The following CSMD1 variants were observed in gnomAD, a reference collection of about 807,000 sequenced individuals.
The protein encoded by CSMD1 is CUB and sushi domain-containing protein 1.
Under a neutral mutation model 417.5 loss-of-function variants are expected in CSMD1, and 213 were observed. The ratio of observed to expected loss-of-function variants is 0.51; its 90% CI spans 0.46 to 0.57. CSMD1 has a LOEUF of 0.57. CSMD1 is among the 20% of genes least tolerant of loss of function. The probability of loss-of-function intolerance (pLI) is 0.00; values close to 1 mark genes in which losing one functional copy is unlikely to be tolerated. For synonymous variants in CSMD1, 2,862 were observed against 1,736.8 expected (o/e 1.65, Z -16.11); for missense variants, 6,923 against 4,529.7 (o/e 1.53, Z -15.17).
At chr8:4,239,499 C>G (rs149389784) in intron 3 of CSMD1, among the ~76,000 whole-genome samples, 68 of 152,258 alleles carry the variant, frequency 4.5e-4, no homozygotes, top group African/African-American at 1.6e-3. Context: ...CTGCCCCACC[C>G]CAGTCTGGTC....
chr8:4,309,935 G>C (rs1798466883), intron 3 of CSMD1, among the ~76,000 whole-genome samples: 2 of 152,132 alleles, frequency 1.3e-5, no homozygotes, highest in South Asian at 2.1e-4. Context: ...TTAGAAACAT[G>C]ATAGTCGATT....
intron 12 of CSMD1, among the ~76,000 whole-genome samples, chr8:3,414,982 C>T (rs923820310): frequency 2.6e-5 from 4 of 152,074 alleles, no homozygotes; most frequent in Admixed American, 1.3e-4. Context: ...TACTGTAAGC[C>T]CTGGCAGGGT....
intron 10 of CSMD1, among the ~76,000 whole-genome samples, chr8:3,518,275 T>C (rs1192608704): frequency 1.3e-5 from 2 of 152,202 alleles, no homozygotes; most frequent in African/African-American, 4.8e-5. Flanking sequence ...GAGAAAATTA[T>C]ATAAGAGAGA....
intron 5 of CSMD1, among the ~76,000 whole-genome samples, chr8:3,926,918 G>A (rs961775068): frequency 2.6e-5 from 4 of 151,654 alleles, no homozygotes; most frequent in Non-Finnish European, 5.9e-5. Flanking sequence ...GTTTCACCAT[G>A]TTGGCCAGGA....
At chr8:3,672,631 T>G (rs56701071) in intron 7 of CSMD1, among the ~76,000 whole-genome samples, 26,581 of 152,230 alleles carry the variant, frequency 0.17, 2,448 homozygotes, top group South Asian at 0.22. Flanking sequence ...ATTTACTTTT[T>G]CATCCGGTCA....
chr8:3,389,955 C>T lies in CSMD1; in HGVS notation c.2594-2273G>A, dbSNP rs976489165. ...AACTGTTTGAATGGAGAGTACAGGACGGGAGGACTGTTGAGTGGTAGAATT... is the reference window on the plus strand; with the variant it reads ...AACTGTTTGAATGGAGAGTACAGGATGGGAGGACTGTTGAGTGGTAGAATT... On this transcript the variant is annotated intron_variant, in intron 17 of 69. Coordinates refer to ENST00000635120, the MANE Select transcript of CSMD1 (RefSeq NM_033225.6). Among the ~76,000 whole-genome samples, 11 of 152,008 alleles carry T rather than the reference C, an allele frequency of 7.2e-5. No individual in the cohort carries two copies. The East Asian group carries it at 1.5e-3, about 21-fold the overall frequency.
At chr8:3,144,588 C>G (rs988502459) in intron 40 of CSMD1, among the ~76,000 whole-genome samples, 1 of 152,040 alleles carries the variant, frequency 6.6e-6, no homozygotes, top group Non-Finnish European at 1.5e-5. Context: ...CTTGGCCATT[C>G]TAACATCGTC....
chr8:4,536,273 C>G (rs1797098647), intron 2 of CSMD1, among the ~76,000 whole-genome samples: 1 of 152,164 alleles, frequency 6.6e-6, no homozygotes, highest in Non-Finnish European at 1.5e-5. Context: ...ATAAAATCTA[C>G]AAACATGTTC....
At chr8:4,403,383 C>G (rs1278162618) in intron 3 of CSMD1, among the ~76,000 whole-genome samples, 1 of 152,116 alleles carries the variant, frequency 6.6e-6, no homozygotes, top group Non-Finnish European at 1.5e-5. Flanking sequence ...TCTCTAACTT[C>G]TCTCATCTAA....
At chr8:3,840,538 T>C (rs1274366514) in intron 5 of CSMD1, among the ~76,000 whole-genome samples, 1 of 152,100 alleles carries the variant, frequency 6.6e-6, no homozygotes, top group East Asian at 1.9e-4. Context: ...AATGCATTCA[T>C]GTAATTCAAT....
At chr8:3,272,227 G>A (rs1276912789) in intron 26 of CSMD1, among the ~76,000 whole-genome samples, 1 of 145,956 alleles carries the variant, frequency 6.9e-6, no homozygotes, top group Non-Finnish European at 1.5e-5. Context: ...GTTTGTCAAA[G>A]ATCAGATAGT....
At position 3,544,743 on chromosome 8, in the gene CSMD1, T is replaced by C. The variant is rs187339182; in HGVS notation, c.1344+30202A>G. Among the ~76,000 whole-genome samples, 354 of 152,116 alleles carry C rather than the reference T, an allele frequency of 2.3e-3. 6 individuals carry two copies. Among genetic ancestry groups the C allele is most frequent in the Admixed American group, 0.022 (331 of 15,264 alleles). ...GGTTCAGGGAGACCAGGATGCTGGG[T>C]GGAGACAGGGAATGGAGCCAAATCT... On this transcript the variant is annotated intron_variant, in intron 10 of 69. Transcript: ENST00000635120.
In CSMD1 at chr8:2,992,719, C is replaced by A. The variant is rs922025319; in HGVS notation, c.8377+5292G>T. Reference sequence around the variant, plus strand: ...TGACTATAGGCGTGAGCCACCATGCCCAGCAAACTAGGTCTAGTTTTATGC... The same window carrying A: ...TGACTATAGGCGTGAGCCACCATGCACAGCAAACTAGGTCTAGTTTTATGC... On this transcript the variant is annotated intron_variant, in intron 54 of 69. Transcript: ENST00000635120. Among the ~76,000 whole-genome samples the A allele has an allele frequency of 2.6e-5, 4 of 151,998 alleles. No homozygotes were observed. The South Asian group carries it at 8.3e-4, about 32-fold the overall frequency.
intron 7 of CSMD1, among the ~76,000 whole-genome samples, chr8:3,708,093 G>A (rs933802933): frequency 5.9e-5 from 9 of 152,164 alleles, no homozygotes; most frequent in Non-Finnish European, 8.8e-5. Context: ...TGTGTGTGGG[G>A]TGTGCAAGGA....
At chr8:3,933,629 G>T (rs1478318731) in intron 5 of CSMD1, among the ~76,000 whole-genome samples, 1 of 152,132 alleles carries the variant, frequency 6.6e-6, no homozygotes. Flanking sequence ...GATACTGTTA[G>T]TCTCTATATT....
At chr8:3,984,706 TATATATATATATA>T (rs1814176263) in intron 5 of CSMD1, among the ~76,000 whole-genome samples, 6 of 47,266 alleles carry the variant, frequency 1.3e-4, no homozygotes, top group African/African-American at 4.2e-4. Context: ...GTATATATCA[TATATATATATATA>T]TATATATATA....
At chr8:3,282,228 G>C (rs183815615) in intron 26 of CSMD1, among the ~76,000 whole-genome samples, 1 of 152,094 alleles carries the variant, frequency 6.6e-6, no homozygotes, top group Non-Finnish European at 1.5e-5. Context: ...ATAATGATGG[G>C]TCAGTGTAGG....
chr8:4,008,976 C>T (rs1224647294), intron 4 of CSMD1, among the ~76,000 whole-genome samples: 1 of 152,090 alleles, frequency 6.6e-6, no homozygotes, highest in Non-Finnish European at 1.5e-5. Flanking sequence ...TTACAAACAG[C>T]AAAATCGTCA....
intron 1 of CSMD1, among the ~76,000 whole-genome samples, chr8:4,985,421 G>C (rs1025134083): frequency 6.6e-6 from 1 of 152,062 alleles, no homozygotes; most frequent in African/African-American, 2.4e-5. Context: ...GGGCCCATGC[G>C]TTACAGTTAT....
Sources: allele counts gnomAD v4.1 joint callset (sites outside exome capture counted in the v4.1 genomes callset), GRCh38; gene constraint gnomAD v4.1.1; transcripts MANE v1.5; gene names NCBI Gene and HGNC (gene_info 2026-07-23, HGNC 2026-07-21).